Variants in CSMD1 observed in about 807,000 individuals in gnomAD.
CSMD1 encodes CUB and sushi domain-containing protein 1.
In CSMD1, 213 loss-of-function variants were observed where a neutral mutation model predicts 417.5. The observed-to-expected ratio is 0.51, with a 90% CI of 0.46 to 0.57. The LOEUF is 0.57. CSMD1 is among the 20% of genes least tolerant of loss of function. CSMD1 has a pLI of 0.00. For missense variants in CSMD1, 6,923 were observed against 4,529.7 expected, an observed-to-expected ratio of 1.53 and a Z score of -15.17; for synonymous variants, 2,862 against 1,736.8, an observed-to-expected ratio of 1.65 and a Z score of -16.11.
At chr8:3,981,933 A>T (rs1813902044) in intron 5 of CSMD1, among the ~76,000 whole-genome samples, 2 of 152,044 alleles carry the variant, frequency 1.3e-5, no homozygotes, top group African/African-American at 4.8e-5. Flanking sequence ...GCACTTTGGG[A>T]GGCCGAGGCA....
intron 3 of CSMD1, among the ~76,000 whole-genome samples, chr8:4,181,996 T>G (rs933983814): frequency 2.0e-5 from 3 of 150,080 alleles, no homozygotes; most frequent in South Asian, 2.1e-4. Flanking sequence ...ATGTTTACAT[T>G]TTTAAGTACA....
intron 5 of CSMD1, among the ~76,000 whole-genome samples, chr8:3,893,820 A>C (rs1371017546): frequency 6.6e-6 from 1 of 152,118 alleles, no homozygotes; most frequent in Non-Finnish European, 1.5e-5. Context: ...CTTTGATTTT[A>C]CCTGTTGCCA....
intron 1 of CSMD1, among the ~76,000 whole-genome samples, chr8:4,763,488 A>G (rs997078661): frequency 6.6e-6 from 1 of 152,166 alleles, no homozygotes; most frequent in African/African-American, 2.4e-5. Flanking sequence ...TAATCATTCA[A>G]TAATTTATTG....
At chr8:4,324,300 T>A (rs1799429929) in intron 3 of CSMD1, among the ~76,000 whole-genome samples, 2 of 152,218 alleles carry the variant, frequency 1.3e-5, no homozygotes, top group South Asian at 4.1e-4. Flanking sequence ...CGTATTCCAT[T>A]AACTAAACAG....
intron 2 of CSMD1, among the ~76,000 whole-genome samples, chr8:4,447,160 AATT>A (rs1367673731): frequency 2.6e-5 from 4 of 152,206 alleles, no homozygotes; most frequent in African/African-American, 9.6e-5. Flanking sequence ...CATTTTAATA[AATT>A]ATTGATCCCA....
At chr8:4,646,033 T>C (rs1177589391) in intron 1 of CSMD1, among the ~76,000 whole-genome samples, 1 of 152,180 alleles carries the variant, frequency 6.6e-6, no homozygotes, top group Non-Finnish European at 1.5e-5. Context: ...CACATCGATG[T>C]TTTGGAAATA....
At chr8:3,275,875 T>A (rs2117183782) in intron 26 of CSMD1, among the ~76,000 whole-genome samples, 1 of 152,270 alleles carries the variant, frequency 6.6e-6, no homozygotes, top group South Asian at 2.1e-4. Flanking sequence ...TTGGTTTGAA[T>A]GTCCTCCTGT....
At chr8:4,660,114 CAA>C (rs33982434) in intron 1 of CSMD1, among the ~76,000 whole-genome samples, 3,320 of 122,774 alleles carry the variant, frequency 0.027, 107 homozygotes, top group African/African-American at 0.09. Context: ...TCAACCAGTG[CAA>C]AAAAAAAAAA....
chr8:3,293,352 C>A (rs1235762392), intron 25 of CSMD1, among the ~76,000 whole-genome samples: 1 of 152,014 alleles, frequency 6.6e-6, no homozygotes, highest in African/African-American at 2.4e-5. Flanking sequence ...CTCTGGATTT[C>A]CTGAATTTGA....
intron 3 of CSMD1, among the ~76,000 whole-genome samples, chr8:4,066,192 G>C (rs981706195): frequency 3.3e-5 from 5 of 152,182 alleles, no homozygotes; most frequent in East Asian, 1.9e-4. Flanking sequence ...CCTCTCCTTA[G>C]GGACTGTTTC....
chr8:3,660,543 A>C (rs71502965), intron 7 of CSMD1, among the ~76,000 whole-genome samples: 69,262 of 70,072 alleles, frequency 0.99, 34,269 homozygotes, highest in Middle Eastern at 0.99. Flanking sequence ...TTTTTTGAAA[A>C]AAAACAAGGC....
At chr8:3,151,355 G>GA (rs1328882410) in intron 40 of CSMD1, 42 bp downstream of exon 40, 9 of 1,287,668 alleles carry the variant, frequency 7.0e-6, no homozygotes, top group South Asian at 1.3e-5. Flanking sequence ...AGATGGAAAT[G>GA]AAAAAAATGA....
intron 4 of CSMD1, among the ~76,000 whole-genome samples, chr8:4,004,455 G>A (rs1390983796): frequency 6.7e-6 from 1 of 149,782 alleles, no homozygotes; most frequent in Admixed American, 6.7e-5. Flanking sequence ...CTATTTTATA[G>A]TAAAATAAAA....
intron 5 of CSMD1, among the ~76,000 whole-genome samples, chr8:3,894,071 G>A (rs1365034628): frequency 6.6e-6 from 1 of 152,042 alleles, no homozygotes; most frequent in African/African-American, 2.4e-5. Context: ...CTCACAAGCA[G>A]CAAGCCGTTA....
At chr8:4,032,835 C>G (rs747325693) in intron 3 of CSMD1, among the ~76,000 whole-genome samples, 1 of 152,164 alleles carries the variant, frequency 6.6e-6, no homozygotes, top group Non-Finnish European at 1.5e-5. Flanking sequence ...GACACATCCT[C>G]TCAGCCAGGG....
intron 4 of CSMD1, among the ~76,000 whole-genome samples, chr8:4,028,995 C>A (rs919550720): frequency 7.2e-5 from 11 of 152,172 alleles, no homozygotes; most frequent in Non-Finnish European, 1.5e-4. Context: ...TCATCTTGCT[C>A]TGAAATATGA....
At chr8:4,750,849 T>C (rs368960858) in intron 1 of CSMD1, among the ~76,000 whole-genome samples, 3 of 152,098 alleles carry the variant, frequency 2.0e-5, no homozygotes, top group African/African-American at 4.8e-5. Flanking sequence ...GCTGATGAGA[T>C]ATTGGGATTT....
intron 1 of CSMD1, among the ~76,000 whole-genome samples, chr8:4,757,735 G>A (rs1441860508): frequency 6.6e-6 from 1 of 152,084 alleles, no homozygotes; most frequent in Admixed American, 6.6e-5. Flanking sequence ...GAGGCAAGCA[G>A]ATCACTTGAG....
chr8:3,263,456 T>A (rs1031712216), intron 26 of CSMD1, among the ~76,000 whole-genome samples: 3 of 152,210 alleles, frequency 2.0e-5, no homozygotes, highest in Non-Finnish European at 4.4e-5. Context: ...ATGGATACAT[T>A]GGGTCTTTGT....
Sources: allele counts gnomAD v4.1 joint callset (sites outside exome capture counted in the v4.1 genomes callset), GRCh38; gene constraint gnomAD v4.1.1; transcripts MANE v1.5; gene names NCBI Gene and HGNC (gene_info 2026-07-23, HGNC 2026-07-21).